Variants in CACNB4 observed in about 807,000 individuals in gnomAD.
The protein encoded by CACNB4 is voltage-dependent L-type calcium channel subunit beta-4.
Under a neutral mutation model 71.2 loss-of-function variants are expected in CACNB4, and 32 were observed. The ratio of observed to expected loss-of-function variants is 0.45; its 90% CI spans 0.34 to 0.60. The LOEUF is 0.60. Among genes scored for constraint, CACNB4 ranks in the 20% least tolerant of loss-of-function variants. The probability of loss-of-function intolerance (pLI) is 0.01; values close to 1 mark genes in which losing one functional copy is unlikely to be tolerated. For missense variants in CACNB4, 464 were observed against 647.9 expected (o/e 0.72, Z 3.08); for synonymous variants, 231 against 236.9 (o/e 0.97, Z 0.23).
At chr2:151,925,523 A>G (rs2099860003) in intron 2 of CACNB4, among the ~76,000 whole-genome samples, 1 of 152,352 alleles carries the variant, frequency 6.6e-6, no homozygotes, top group Non-Finnish European at 1.5e-5. Flanking sequence ...CTTATAGGAA[A>G]ACATCTATCA....
chr2:151,876,559 G>T lies in CACNB4; in HGVS notation c.391-3C>A. Reference sequence around the variant, plus strand: ...ATCCACCAATCATTGTTATATTTCTGGAATTCAGAAATAAAATTGCTATCA... The same window carrying T: ...ATCCACCAATCATTGTTATATTTCTTGAATTCAGAAATAAAATTGCTATCA... On this transcript the variant is annotated splice_region_variant and splice_polypyrimidine_tract_variant and intron_variant, in intron 4 of 13. Coordinates refer to ENST00000539935, the MANE Select transcript of CACNB4 (RefSeq NM_000726.5). 3 of 1,511,756 alleles carry T rather than the reference G, an allele frequency of 2.0e-6. No individual in the cohort carries two copies. The highest frequency in any genetic ancestry group is 1.2e-5 in the South Asian group (1 of 83,038). 93.6% of individuals were successfully genotyped at this position (1,511,756 alleles called of 1,614,324 possible).
At chr2:152,054,021 T>C (rs968655750) in intron 2 of CACNB4, among the ~76,000 whole-genome samples, 3 of 152,150 alleles carry the variant, frequency 2.0e-5, no homozygotes, top group African/African-American at 2.4e-5. Flanking sequence ...GATACCCAGT[T>C]TGCACCTGCT....
At chr2:151,964,612 T>C (rs2099870568) in intron 2 of CACNB4, among the ~76,000 whole-genome samples, 1 of 152,162 alleles carries the variant, frequency 6.6e-6, no homozygotes, top group Non-Finnish European at 1.5e-5. Flanking sequence ...CAAGACAACA[T>C]TAGTTTTAAG....
At chr2:151,852,284 C>G (rs558222012) in intron 12 of CACNB4, 1 of 152,326 alleles carries the variant, frequency 6.6e-6, no homozygotes, top group Non-Finnish European at 1.5e-5. Flanking sequence ...GTGTGGCCAA[C>G]TGTAAGCATC....
intron 2 of CACNB4, among the ~76,000 whole-genome samples, chr2:151,993,178 T>C (rs1195514034): frequency 6.6e-6 from 1 of 151,892 alleles, no homozygotes; most frequent in Admixed American, 6.6e-5. Flanking sequence ...ACATCTTTTT[T>C]ACTATCAAGG....
intron 2 of CACNB4, among the ~76,000 whole-genome samples, chr2:151,988,043 C>T (rs1357141892): frequency 6.6e-6 from 1 of 152,100 alleles, no homozygotes; most frequent in African/African-American, 2.4e-5. Flanking sequence ...AACTGAAATA[C>T]TTTTTTTAAG....
chr2:151,845,278 G>A (rs2099837269), intron 12 of CACNB4, among the ~76,000 whole-genome samples: 1 of 152,170 alleles, frequency 6.6e-6, no homozygotes, highest in African/African-American at 2.4e-5. Flanking sequence ...GATACAGGTT[G>A]GAAGATGACT....
Position 152,098,358 on chromosome 2 carries a change from G to C in CACNB4, c.119C>G (p.Thr40Ser). ...TCTGAGGATGAAGCTGGTCGAAGTGGTGCTGCCATCGGATCTTTTCAACCT... is the reference window on the plus strand; with the variant it reads ...TCTGAGGATGAAGCTGGTCGAAGTGCTGCTGCCATCGGATCTTTTCAACCT... ...RSRLKRSDGS[T>S]TSTSFILRQG... The change falls in exon 2 of 14, where the codon ACC (threonine) becomes AGC (serine). Residue 40 changes from threonine to serine, a missense_variant. This residue lies in a region of CACNB4 where 299 missense variants were observed against 471.7 expected (regional missense o/e 0.63). Transcript: ENST00000539935. The surrounding 1 kb of genome is among the most constrained non-coding windows in gnomAD (Gnocchi z 5.3). 2 of 1,613,726 alleles carry C rather than the reference G, an allele frequency of 1.2e-6. No individual in the cohort carries two copies. Among genetic ancestry groups the C allele is most frequent in the Non-Finnish European group, 1.7e-6 (2 of 1,179,650 alleles).
chr2:151,867,391 T>C (rs74387589), intron 9 of CACNB4: 4,263 of 152,308 alleles, frequency 0.028, 51 homozygotes, highest in African/African-American at 0.034. Context: ...CAATGCTTTT[T>C]TAGAAAGTGT....
intron 10 of CACNB4, 43 bp from the exon 11 acceptor site, chr2:151,855,418 A>G (rs747571185): frequency 7.1e-6 from 10 of 1,414,336 alleles, no homozygotes; most frequent in Non-Finnish European, 7.8e-6. Flanking sequence ...ATTGTTATGA[A>G]TTAGTTCTTA....
chr2:152,028,707 G>A (rs1250625241), intron 2 of CACNB4, among the ~76,000 whole-genome samples: 1 of 152,188 alleles, frequency 6.6e-6, no homozygotes, highest in Non-Finnish European at 1.5e-5. Flanking sequence ...TGAACAGCTT[G>A]CAGTGAGATT....
At chr2:151,932,824 TAAAAAAAA>T (rs34714238) in intron 2 of CACNB4, among the ~76,000 whole-genome samples, 1 of 69,874 alleles carries the variant, frequency 1.4e-5, no homozygotes, top group Non-Finnish European at 2.9e-5. Context: ...AGACTGGATC[TAAAAAAAA>T]AAAAAAAAAA....
At chr2:152,064,320 A>C (rs1036150239) in intron 2 of CACNB4, among the ~76,000 whole-genome samples, 25 of 152,298 alleles carry the variant, frequency 1.6e-4, no homozygotes, top group African/African-American at 5.5e-4. Flanking sequence ...TCCATATTCA[A>C]ATCTATATTT....
chr2:152,012,870 C>T (rs564624084), intron 2 of CACNB4, among the ~76,000 whole-genome samples: 10 of 151,598 alleles, frequency 6.6e-5, no homozygotes, highest in Non-Finnish European at 1.5e-4. Flanking sequence ...CAGTAATGTC[C>T]CTGGCATTCA....
chr2:152,052,646 C>T (rs1460712148), intron 2 of CACNB4, among the ~76,000 whole-genome samples: 2 of 152,188 alleles, frequency 1.3e-5, no homozygotes, highest in East Asian at 1.9e-4. Flanking sequence ...CTCTGTACTT[C>T]ATTCCTTGTT....
At chr2:152,056,375 AG>A (rs1246680072) in intron 2 of CACNB4, among the ~76,000 whole-genome samples, 2 of 151,840 alleles carry the variant, frequency 1.3e-5, no homozygotes, top group African/African-American at 4.8e-5. Flanking sequence ...AAAAAAAAAA[AG>A]AAATTAGAAA....
At chr2:152,075,091 C>T (rs10803936) in intron 2 of CACNB4, among the ~76,000 whole-genome samples, 72,592 of 152,058 alleles carry the variant, frequency 0.48, 17,883 homozygotes, top group East Asian at 0.85. Context: ...GTGAGATGTG[C>T]TTTTAAATAG....
intron 5 of CACNB4, among the ~76,000 whole-genome samples, chr2:151,875,767 T>C (rs2099845954): frequency 2.0e-5 from 2 of 100,456 alleles, no homozygotes; most frequent in African/African-American, 8.5e-5. Flanking sequence ...ACCCCTCACC[T>C]CCCGGACGGG....
intron 2 of CACNB4, among the ~76,000 whole-genome samples, chr2:152,054,859 A>G (rs1396081719): frequency 6.6e-6 from 1 of 152,106 alleles, no homozygotes; most frequent in Non-Finnish European, 1.5e-5. Context: ...ATTATTGGCC[A>G]CTGGTATGTC....
Sources: allele counts gnomAD v4.1 joint callset (sites outside exome capture counted in the v4.1 genomes callset), GRCh38; gene constraint gnomAD v4.1.1; regional missense constraint gnomAD v4.1.1; non-coding constraint Gnocchi (gnomAD v3.1); transcripts MANE v1.5; gene names NCBI Gene and HGNC (gene_info 2026-07-23, HGNC 2026-07-21).